Variants in FBXL17 observed in about 807,000 individuals in gnomAD.
The protein encoded by FBXL17 is F-box/LRR-repeat protein 17.
Under a neutral mutation model 66.2 loss-of-function variants are expected in FBXL17, and 22 were observed. That is an observed-to-expected ratio of 0.33 (90% confidence interval 0.24 to 0.47). The LOEUF is 0.47. Ranked by LOEUF, FBXL17 falls within the 20% of genes least tolerant of loss-of-function variation. The pLI is 1.00. For missense variants in FBXL17, 878 were observed against 948.2 expected (o/e 0.93, Z 0.97); for synonymous variants, 474 against 400.5 (o/e 1.18, Z -2.19).
At position 108,381,031 on chromosome 5, in the gene FBXL17, C is replaced by CGCAGCCCCCGCCGCCGCA. The variant is rs1295107421; in HGVS notation, c.643_660dup (p.Cys215_Cys220dup). On this transcript the variant is annotated inframe_insertion, in exon 1 of 9. Transcript: ENST00000542267. ...CCGCCACCGCCGCCGCCGCCGCCGC[C>CGCAGCCCCCGCCGCCGCA]GCAGCCCCCGCCGCCGCAGCGGGGC... The CGCAGCCCCCGCCGCCGCA allele has an allele frequency of 7.6e-6, 9 of 1,186,924 alleles. No individual in the cohort carries two copies. The highest frequency in any genetic ancestry group is 9.4e-6 in the Non-Finnish European group (9 of 959,254). 73.5% of individuals were successfully genotyped at this position (1,186,924 alleles called of 1,614,324 possible).
At chr5:108,107,760 T>C (rs940468066) in intron 6 of FBXL17, among the ~76,000 whole-genome samples, 1 of 142,420 alleles carries the variant, frequency 7.0e-6, no homozygotes, top group African/African-American at 2.6e-5. Flanking sequence ...TGCAGTGAGC[T>C]GAGATGGCAC....
At chr5:107,940,093 TTAATAGA>T (rs1438830535) in intron 7 of FBXL17, among the ~76,000 whole-genome samples, 2 of 152,262 alleles carry the variant, frequency 1.3e-5, no homozygotes, top group Admixed American at 6.5e-5. Context: ...TTATTTCTAC[TTAATAGA>T]TAATGAAATT....
intron 7 of FBXL17, among the ~76,000 whole-genome samples, chr5:107,890,620 C>G (rs1297251982): frequency 6.6e-6 from 1 of 150,772 alleles, no homozygotes; most frequent in East Asian, 1.9e-4. Context: ...GCCAAGATCA[C>G]ACCACTACAC....
chr5:108,132,860 A>G (rs960052525), intron 6 of FBXL17, among the ~76,000 whole-genome samples: 5 of 152,228 alleles, frequency 3.3e-5, no homozygotes, highest in Non-Finnish European at 2.9e-5. Flanking sequence ...ATTTCTAAAT[A>G]TGCATAAGAA....
At chr5:107,953,402 CAAAAAAAAAAA>C (rs1166788701) in intron 7 of FBXL17, among the ~76,000 whole-genome samples, 2 of 50,616 alleles carry the variant, frequency 4.0e-5, no homozygotes, top group Admixed American at 2.2e-4. Flanking sequence ...GACTCTCTCT[CAAAAAAAAAAA>C]AAAAAAAAAA....
At chr5:108,337,449 T>G (rs1760441030) in intron 4 of FBXL17, among the ~76,000 whole-genome samples, 1 of 152,142 alleles carries the variant, frequency 6.6e-6, no homozygotes, top group African/African-American at 2.4e-5. Context: ...TTAACGTGTA[T>G]GCAAACGATC....
chr5:108,185,545 G>A (rs936148473), intron 6 of FBXL17, among the ~76,000 whole-genome samples: 1 of 152,054 alleles, frequency 6.6e-6, no homozygotes, highest in African/African-American at 2.4e-5. Flanking sequence ...CCAGTCTAAG[G>A]TAGTTCTTTA....
At chr5:108,016,255 C>G (rs989613587) in intron 7 of FBXL17, among the ~76,000 whole-genome samples, 1 of 152,074 alleles carries the variant, frequency 6.6e-6, no homozygotes, top group South Asian at 2.1e-4. Context: ...ATCAAGAATA[C>G]AGGGCAGCCA....
intron 8 of FBXL17, among the ~76,000 whole-genome samples, chr5:107,871,936 A>G (rs1748470334): frequency 6.6e-6 from 1 of 152,202 alleles, no homozygotes; most frequent in South Asian, 2.1e-4. Context: ...TCTTTTGTGC[A>G]TAATGGCTTT....
chr5:108,090,001 C>T (rs188790237), intron 6 of FBXL17, among the ~76,000 whole-genome samples: 2 of 151,902 alleles, frequency 1.3e-5, no homozygotes, highest in East Asian at 1.9e-4. Context: ...CTAATTTTTG[C>T]GTTTTTTGTA....
intron 6 of FBXL17, among the ~76,000 whole-genome samples, chr5:108,159,642 TG>T (rs1370668472): frequency 6.6e-6 from 1 of 152,160 alleles, no homozygotes; most frequent in Non-Finnish European, 1.5e-5. Context: ...CCTCCAGAAA[TG>T]TAAGACATAA....
chr5:108,315,674 T>C lies in FBXL17; in HGVS notation c.1506+32725A>G, dbSNP rs192890988. Among the ~76,000 whole-genome samples, 48 of 151,508 alleles carry C rather than the reference T, an allele frequency of 3.2e-4. No homozygotes were observed. The South Asian group carries it at 7.5e-3, about 24-fold the overall frequency. ...CAACAAAGCATCAACCATATGCTTA[T>C]TTAACTTCAGCACCATAGTCTCTCA... On this transcript the variant is annotated intron_variant, in intron 4 of 8. Coordinates refer to ENST00000542267, the MANE Select transcript of FBXL17 (RefSeq NM_001163315.3).
intron 4 of FBXL17, among the ~76,000 whole-genome samples, chr5:108,277,897 C>G (rs1428816798): frequency 1.3e-5 from 2 of 152,310 alleles, no homozygotes; most frequent in East Asian, 3.9e-4. Flanking sequence ...ACTAAAAATA[C>G]TTTTCTTTCA....
chr5:108,201,869 A>T (rs1185176136), intron 5 of FBXL17, among the ~76,000 whole-genome samples: 1 of 151,664 alleles, frequency 6.6e-6, no homozygotes, highest in East Asian at 1.9e-4. Flanking sequence ...AAAAAAAAAA[A>T]AAATGAAAGC....
At chr5:107,877,822 AGTGACAG>A (rs1328979565) in intron 8 of FBXL17, among the ~76,000 whole-genome samples, 2 of 152,082 alleles carry the variant, frequency 1.3e-5, no homozygotes, top group African/African-American at 4.8e-5. Context: ...TAGGGAGAAA[AGTGACAG>A]GGCCAAATTA....
At chr5:108,142,655 G>A (rs1034440189) in intron 6 of FBXL17, among the ~76,000 whole-genome samples, 9 of 152,106 alleles carry the variant, frequency 5.9e-5, no homozygotes, top group Admixed American at 1.3e-4. Context: ...AAGGAAAACC[G>A]TAGGGGAAGA....
chr5:107,890,003 C>T (rs953206403), intron 7 of FBXL17, among the ~76,000 whole-genome samples: 1 of 151,988 alleles, frequency 6.6e-6, no homozygotes, highest in Non-Finnish European at 1.5e-5. Flanking sequence ...ATGTTAGGTT[C>T]CCCTGACAAT....
chr5:108,024,652 T>C (rs1403919797), intron 6 of FBXL17, among the ~76,000 whole-genome samples: 1 of 152,144 alleles, frequency 6.6e-6, no homozygotes, highest in Non-Finnish European at 1.5e-5. Flanking sequence ...GTTGAGTACA[T>C]ATATATAAAC....
chr5:108,355,672 T>C (rs1419329040), intron 3 of FBXL17, among the ~76,000 whole-genome samples: 1 of 152,118 alleles, frequency 6.6e-6, no homozygotes, highest in South Asian at 2.1e-4. Flanking sequence ...TGGTTATAAA[T>C]GTATATTGTG....
Sources: allele counts gnomAD v4.1 joint callset (sites outside exome capture counted in the v4.1 genomes callset), GRCh38; gene constraint gnomAD v4.1.1; transcripts MANE v1.5; gene names NCBI Gene and HGNC (gene_info 2026-07-23, HGNC 2026-07-21).